Variants in VTI1A observed in about 807,000 individuals in gnomAD.
VTI1A encodes vesicle transport through interaction with t-SNAREs homolog 1A.
VTI1A carries 22 observed loss-of-function variants against 34.9 expected under a neutral mutation model. The observed-to-expected ratio is 0.63, with a 90% CI of 0.45 to 0.90. VTI1A has a LOEUF of 0.90. Ranked by LOEUF, VTI1A falls within the 40% of genes least tolerant of loss-of-function variation. The probability of loss-of-function intolerance (pLI) is 0.00; values close to 1 mark genes in which losing one functional copy is unlikely to be tolerated. For missense variants in VTI1A, 268 were observed against 275.6 expected (o/e 0.97, Z 0.20); for synonymous variants, 87 against 97.3 (o/e 0.89, Z 0.62).
chr10:112,599,433 C>G (rs1014314874), intron 5 of VTI1A, among the ~76,000 whole-genome samples: 3 of 152,174 alleles, frequency 2.0e-5, no homozygotes, highest in East Asian at 3.9e-4. Context: ...ATAGCTAGGG[C>G]GTATGCATGT....
intron 5 of VTI1A, among the ~76,000 whole-genome samples, chr10:112,587,568 G>A (rs186000532): frequency 1.4e-3 from 208 of 152,170 alleles, no homozygotes; most frequent in African/African-American, 4.8e-3. Context: ...TCTAAAATTT[G>A]ATATCAAAAG....
chr10:112,741,459 A>T lies in VTI1A; in HGVS notation c.560+72461A>T, dbSNP rs539266697. Among the ~76,000 whole-genome samples, 12 of 152,266 alleles carry T rather than the reference A, an allele frequency of 7.9e-5. No homozygotes were observed. In the South Asian group the frequency reaches 2.5e-3, roughly 32 times the overall value. On this transcript the variant is annotated intron_variant, in intron 7 of 7. Transcript: ENST00000393077. ...TCAAAAACTAAAAAACAAAAGAGTG[A>T]CTGTTAACGGATATTGGGGTTTCTT...
Position 112,705,447 on chromosome 10 carries a change from G to T in VTI1A, c.560+36449G>T, listed in dbSNP as rs552212290. ...CATCCATGATACTAGCTTCTATACT[G>T]ACTCCATTATTGCTGCCAGAACTGT... On this transcript the variant is annotated intron_variant, in intron 7 of 7. Coordinates refer to ENST00000393077, the MANE Select transcript of VTI1A (RefSeq NM_145206.4). Among the ~76,000 whole-genome samples the T allele has an allele frequency of 5.3e-5, 8 of 152,082 alleles. No individual in the cohort carries two copies. The East Asian group carries it at 1.6e-3, about 30-fold the overall frequency.
At chr10:112,600,018 A>G (rs1418310113) in intron 5 of VTI1A, among the ~76,000 whole-genome samples, 1 of 152,208 alleles carries the variant, frequency 6.6e-6, no homozygotes, top group Non-Finnish European at 1.5e-5. Flanking sequence ...AGAATTGGAA[A>G]CTAAGGTTTG....
chr10:112,660,935 A>G (rs1028055803), intron 5 of VTI1A, among the ~76,000 whole-genome samples: 1 of 152,126 alleles, frequency 6.6e-6, no homozygotes, highest in South Asian at 2.1e-4. Context: ...TTAAACGGTT[A>G]CTTTGAAAGA....
chr10:112,771,679 A>G (rs1348497437), intron 7 of VTI1A, among the ~76,000 whole-genome samples: 19 of 152,196 alleles, frequency 1.2e-4, no homozygotes, highest in Admixed American at 1.2e-3. Flanking sequence ...CTCAAAAAGA[A>G]ACCCTGTACC....
chr10:112,699,492 T>A (rs544444781), intron 7 of VTI1A, among the ~76,000 whole-genome samples: 1 of 152,360 alleles, frequency 6.6e-6, no homozygotes, highest in South Asian at 2.1e-4. Context: ...AACTATGGTT[T>A]ATAGTTTATA....
rs1278917040 is a variant in VTI1A, at chr10:112,817,618, G to C, written c.*2235G>C. The stretch of plus-strand genomic sequence containing the variant: ...GCTTTGTGAGGAAGCTGGTCAGAAG[G>C]TTCCCTCAACTCCTTCCTGGTCCTC... On this transcript the variant is annotated 3_prime_UTR_variant, in exon 8 of 8. Coordinates refer to ENST00000393077, the MANE Select transcript of VTI1A (RefSeq NM_145206.4). The C allele has an allele frequency of 8.7e-6, 2 of 228,958 alleles. No individual in the cohort carries two copies. Among genetic ancestry groups the C allele is most frequent in the Non-Finnish European group, 1.7e-5 (2 of 115,454 alleles). 14.2% of individuals were successfully genotyped at this position (228,958 alleles called of 1,614,324 possible).
chr10:112,777,070 G>T (rs937871768), intron 7 of VTI1A, among the ~76,000 whole-genome samples: 2 of 151,968 alleles, frequency 1.3e-5, no homozygotes, highest in African/African-American at 4.8e-5. Flanking sequence ...TTTCCTAATT[G>T]GTAGTGGTAT....
chr10:112,499,696 G>A (rs192941330), intron 3 of VTI1A, among the ~76,000 whole-genome samples: 3 of 152,232 alleles, frequency 2.0e-5, no homozygotes, highest in South Asian at 2.1e-4. Context: ...TATTATGCTG[G>A]TTAACGCATA....
At chr10:112,461,919 T>A (rs1163071704) in intron 2 of VTI1A, among the ~76,000 whole-genome samples, 1 of 152,224 alleles carries the variant, frequency 6.6e-6, no homozygotes, top group Non-Finnish European at 1.5e-5. Flanking sequence ...TTTTGTCATG[T>A]TAGCCAGGCT....
chr10:112,463,018 C>T (rs896229292), intron 2 of VTI1A, among the ~76,000 whole-genome samples: 2 of 152,046 alleles, frequency 1.3e-5, no homozygotes, highest in African/African-American at 4.8e-5. Flanking sequence ...TCTACCTCCC[C>T]AGTTCAAGCA....
In VTI1A at chr10:112,752,843, G is replaced by C. The variant is rs562034390; in HGVS notation, c.561-62447G>C. The stretch of plus-strand genomic sequence containing the variant: ...GGCTTGGCAGTCTCTTTTGGGTATA[G>C]TGTAGACTTATTTTTGGTACTTCAG... On this transcript the variant is annotated intron_variant, in intron 7 of 7. Transcript: ENST00000393077. Among the ~76,000 whole-genome samples, 3 of 152,256 alleles carry C rather than the reference G, an allele frequency of 2.0e-5. No homozygotes were observed. The South Asian group carries it at 6.2e-4, about 32-fold the overall frequency.
intron 5 of VTI1A, among the ~76,000 whole-genome samples, chr10:112,624,297 G>A (rs1845838345): frequency 6.6e-6 from 1 of 151,618 alleles, no homozygotes; most frequent in East Asian, 1.9e-4. Flanking sequence ...ATGTGAAGGG[G>A]GAAAAAAAAG....
chr10:112,543,610 T>G (rs1850952924), intron 5 of VTI1A, among the ~76,000 whole-genome samples: 1 of 152,212 alleles, frequency 6.6e-6, no homozygotes, highest in South Asian at 2.1e-4. Flanking sequence ...TTGCAAAAAT[T>G]TTCTCCCATT....
At chr10:112,774,209 G>T (rs975573396) in intron 7 of VTI1A, among the ~76,000 whole-genome samples, 2 of 152,214 alleles carry the variant, frequency 1.3e-5, no homozygotes, top group African/African-American at 4.8e-5. Flanking sequence ...CACCAGAGAA[G>T]CAGTTCAGGA....
intron 5 of VTI1A, among the ~76,000 whole-genome samples, chr10:112,618,492 TA>T (rs1845589516): frequency 4.5e-5 from 3 of 66,534 alleles, no homozygotes; most frequent in African/African-American, 2.5e-4. Context: ...GATTATATTA[TA>T]TATATATATA....
chr10:112,643,640 A>G (rs966478331), intron 5 of VTI1A, among the ~76,000 whole-genome samples: 5 of 152,142 alleles, frequency 3.3e-5, no homozygotes, highest in African/African-American at 1.2e-4. Context: ...GTGTGCCTCA[A>G]TCTAAAAGGA....
intron 7 of VTI1A, among the ~76,000 whole-genome samples, chr10:112,794,300 T>A (rs901739862): frequency 5.3e-5 from 8 of 152,198 alleles, no homozygotes; most frequent in Admixed American, 4.6e-4. Context: ...CTCATGCCTG[T>A]AATCCCAGCA....
Sources: gnomAD v4.1 joint callset for allele counts (sites outside exome capture counted in the v4.1 genomes callset) on GRCh38, gnomAD v4.1.1 for gene constraint, MANE v1.5 for transcripts, NCBI Gene and HGNC (gene_info 2026-07-23, HGNC 2026-07-21) for gene names.